RANBP2: variants seen among roughly 807,000 people sequenced by gnomAD.
The protein encoded by RANBP2 is E3 SUMO-protein ligase RanBP2.
A neutral mutation model predicts 303.6 loss-of-function variants in RANBP2; 57 were observed. That is an observed-to-expected ratio of 0.19 (90% CI 0.15 to 0.23). RANBP2 has a LOEUF of 0.23. Among genes scored for constraint, RANBP2 ranks in the 10% least tolerant of loss-of-function variants. The pLI, the probability that RANBP2 is intolerant of heterozygous loss-of-function variation, is 1.00. For missense variants in RANBP2, 3,138 were observed against 3,780.8 expected, an observed-to-expected ratio of 0.83 and a Z score of 4.46; for synonymous variants, 1,167 against 1,301.5, an observed-to-expected ratio of 0.90 and a Z score of 2.23.
chr2:109,228,534 G>A, the RANBP2 span, among the ~76,000 whole-genome samples: 5 of 152,196 alleles, frequency 3.3e-5, no homozygotes, highest in African/African-American at 1.2e-4. Context: ...CCCCTTCCAT[G>A]TGGAGCTAGT....
the RANBP2 span, chr2:108,815,992 A>G: frequency 5.6e-6 from 9 of 1,613,628 alleles, no homozygotes; most frequent in East Asian, 2.0e-4. Context: ...CATGGACTGG[A>G]TTTCGGATCA....
the RANBP2 span, among the ~76,000 whole-genome samples, chr2:109,240,290 G>A: frequency 1.3e-5 from 2 of 152,084 alleles, no homozygotes; most frequent in Non-Finnish European, 2.9e-5. Context: ...ACTTGAGGTC[G>A]GGAGTCCAAC....
the RANBP2 span, among the ~76,000 whole-genome samples, chr2:109,354,597 G>A: frequency 0.029 from 4,369 of 152,354 alleles, 152 homozygotes; most frequent in African/African-American, 0.088. Context: ...ATTTCATGCT[G>A]AGCTCCCAAA....
the RANBP2 span, among the ~76,000 whole-genome samples, chr2:108,880,175 T>G: frequency 7.0e-6 from 1 of 143,724 alleles, no homozygotes; most frequent in Non-Finnish European, 1.5e-5. Flanking sequence ...TTAATAAGCT[T>G]CCAGACAGGG....
the RANBP2 span, among the ~76,000 whole-genome samples, chr2:108,811,995 A>G: frequency 6.6e-6 from 1 of 152,186 alleles, no homozygotes; most frequent in Non-Finnish European, 1.5e-5. Flanking sequence ...TGGTGTATAT[A>G]TATCACAAAT....
At chr2:109,171,795 C>G in the RANBP2 span, among the ~76,000 whole-genome samples, 1 of 152,254 alleles carries the variant, frequency 6.6e-6, no homozygotes, top group African/African-American at 2.4e-5. Flanking sequence ...CGCTCACTTG[C>G]AGCGGGGAGT....
chr2:108,953,330 C>T, the RANBP2 span, among the ~76,000 whole-genome samples: 1 of 152,174 alleles, frequency 6.6e-6, no homozygotes, highest in African/African-American at 2.4e-5. Flanking sequence ...AAACTTCATG[C>T]TGATTTCTGG....
chr2:108,974,687 G>A, the RANBP2 span, among the ~76,000 whole-genome samples: 63 of 151,552 alleles, frequency 4.2e-4, no homozygotes, highest in Non-Finnish European at 7.1e-4. Flanking sequence ...CCGAGATAGC[G>A]CCACTGCACT....
the RANBP2 span, chr2:108,912,719 G>A: frequency 5.0e-6 from 8 of 1,602,726 alleles, no homozygotes; most frequent in African/African-American, 6.7e-5. Context: ...GCTGCTGCCC[G>A]AGGTGCCAGG....
At chr2:109,307,781 C>T in the RANBP2 span, among the ~76,000 whole-genome samples, 2 of 148,292 alleles carry the variant, frequency 1.3e-5, no homozygotes, top group East Asian at 1.9e-4. Context: ...GCATAGTACT[C>T]CATGGTGTAT....
chr2:108,913,393 T>C, the RANBP2 span, among the ~76,000 whole-genome samples: 1 of 152,140 alleles, frequency 6.6e-6, no homozygotes, highest in Admixed American at 6.5e-5. Flanking sequence ...ATAAGCAACA[T>C]AGAGTGTGTA....
chr2:109,664,526 T>C, the RANBP2 span, among the ~76,000 whole-genome samples: 6 of 152,108 alleles, frequency 3.9e-5, no homozygotes, highest in African/African-American at 1.4e-4. Flanking sequence ...ATCACTTGAA[T>C]GTGGGAGGAG....
At chr2:108,827,529 G>T in the RANBP2 span, among the ~76,000 whole-genome samples, 1 of 152,110 alleles carries the variant, frequency 6.6e-6, no homozygotes, top group Admixed American at 6.5e-5. Context: ...CAATAAAAAT[G>T]ATTTTGGCTG....
the RANBP2 span, among the ~76,000 whole-genome samples, chr2:109,320,954 G>C: frequency 6.6e-6 from 1 of 152,314 alleles, no homozygotes; most frequent in African/African-American, 2.4e-5. Flanking sequence ...TTGCCATCTT[G>C]CAGGGTTTTA....
At chr2:108,815,514 T>C in the RANBP2 span, among the ~76,000 whole-genome samples, 2 of 148,172 alleles carry the variant, frequency 1.3e-5, no homozygotes, top group Non-Finnish European at 3.0e-5. Flanking sequence ...TTGCCCAGAT[T>C]GGTGTGCAGT....
chr2:109,389,270 C>T, the RANBP2 span, among the ~76,000 whole-genome samples: 1 of 152,224 alleles, frequency 6.6e-6, no homozygotes, highest in African/African-American at 2.4e-5. Context: ...GGCCCCGCTC[C>T]TTGTGCATCA....
the RANBP2 span, among the ~76,000 whole-genome samples, chr2:109,355,229 G>A: frequency 6.6e-6 from 1 of 152,166 alleles, no homozygotes; most frequent in African/African-American, 2.4e-5. Context: ...ATTGAGCTTT[G>A]TATCTGAAAG....
chr2:109,223,022 G>A, the RANBP2 span, among the ~76,000 whole-genome samples: 5 of 152,336 alleles, frequency 3.3e-5, no homozygotes, highest in African/African-American at 9.6e-5. Flanking sequence ...GGCACTGTCC[G>A]CCCCTGTGGC....
At chr2:109,613,864 G>T in the RANBP2 span, 2 of 1,231,732 alleles carry the variant, frequency 1.6e-6, no homozygotes, top group Non-Finnish European at 2.0e-6. Context: ...GGCTGTATCA[G>T]CCCGGCCCCG....
Sources: allele counts gnomAD v4.1 joint callset (sites outside exome capture counted in the v4.1 genomes callset), GRCh38; gene constraint gnomAD v4.1.1; transcripts MANE v1.5; gene names NCBI Gene and HGNC (gene_info 2026-07-23, HGNC 2026-07-21).